The following INPP4B variants were observed in gnomAD, a reference collection of about 807,000 sequenced individuals.
INPP4B encodes inositol polyphosphate-4-phosphatase type II B.
In INPP4B, 55 loss-of-function variants were observed where a neutral mutation model predicts 122.5. The observed-to-expected ratio is 0.45, with a 90% CI of 0.36 to 0.56. The LOEUF is 0.56. INPP4B is among the 20% of genes least tolerant of loss of function. The pLI is 0.00. For synonymous variants in INPP4B, 403 were observed against 388.7 expected (o/e 1.04, Z -0.43); for missense variants, 1,000 against 1,097.7 (o/e 0.91, Z 1.26).
chr4:142,372,344 G>A (rs1184053110), intron 7 of INPP4B, among the ~76,000 whole-genome samples: 2 of 152,022 alleles, frequency 1.3e-5, no homozygotes, highest in South Asian at 2.1e-4. Context: ...GTGTTCAACA[G>A]CACAATAGTT....
chr4:142,287,004 CTT>C (rs974569755), intron 9 of INPP4B: 7 of 152,148 alleles, frequency 4.6e-5, no homozygotes, highest in African/African-American at 1.2e-4. Flanking sequence ...ACATTTTCCT[CTT>C]GTCTTTAATT....
intron 7 of INPP4B, among the ~76,000 whole-genome samples, chr4:142,335,891 A>G (rs1776398391): frequency 6.6e-6 from 1 of 152,206 alleles, no homozygotes; most frequent in Non-Finnish European, 1.5e-5. Context: ...CCCAAACTTA[A>G]GCAAAAAGAC....
At chr4:142,299,119 A>G (rs978707039) in intron 9 of INPP4B, among the ~76,000 whole-genome samples, 25 of 147,346 alleles carry the variant, frequency 1.7e-4, no homozygotes, top group African/African-American at 6.3e-4. Context: ...GTTGACTCAC[A>G]TGTTTTCCTG....
At chr4:142,838,033 G>GTTT (rs546156996) in intron 1 of INPP4B, among the ~76,000 whole-genome samples, 3,960 of 143,420 alleles carry the variant, frequency 0.028, 166 homozygotes, top group African/African-American at 0.093. Flanking sequence ...GGAAAGTGGT[G>GTTT]TTTTTTTTTT....
chr4:142,806,736 C>G (rs573723122), intron 1 of INPP4B, among the ~76,000 whole-genome samples: 1 of 121,580 alleles, frequency 8.2e-6, no homozygotes, highest in Non-Finnish European at 1.7e-5. Context: ...AGAGCAAGAC[C>G]CTGTTAAAAA....
intron 2 of INPP4B, among the ~76,000 whole-genome samples, chr4:142,635,821 TACAAA>T (rs1219520723): frequency 6.6e-5 from 10 of 152,102 alleles, no homozygotes; most frequent in Non-Finnish European, 1.3e-4. Flanking sequence ...TGACTTTACC[TACAAA>T]ACAAACCTTC....
chr4:142,354,387 G>A (rs1579825918), intron 7 of INPP4B, among the ~76,000 whole-genome samples: 1 of 151,974 alleles, frequency 6.6e-6, no homozygotes, highest in East Asian at 1.9e-4. Flanking sequence ...TATGTAGGAA[G>A]AACAGAATTT....
At chr4:142,031,007 A>T (rs1392909784) in intron 25 of INPP4B, among the ~76,000 whole-genome samples, 1 of 152,174 alleles carries the variant, frequency 6.6e-6, no homozygotes, top group Non-Finnish European at 1.5e-5. Context: ...CCATATTTAC[A>T]GAGTGATACC....
chr4:142,363,648 T>C (rs1407340323), intron 7 of INPP4B, among the ~76,000 whole-genome samples: 1 of 152,010 alleles, frequency 6.6e-6, no homozygotes, highest in Non-Finnish European at 1.5e-5. Flanking sequence ...TCAAAACTCA[T>C]TGAGTCCAGT....
At chr4:142,820,681 T>A (rs1176723191) in intron 1 of INPP4B, among the ~76,000 whole-genome samples, 1 of 152,122 alleles carries the variant, frequency 6.6e-6, no homozygotes, top group Non-Finnish European at 1.5e-5. Flanking sequence ...GGCAGAACTT[T>A]CCATATTTCA....
chr4:142,138,796 A>C (rs2152819559), intron 18 of INPP4B, among the ~76,000 whole-genome samples: 1 of 152,298 alleles, frequency 6.6e-6, no homozygotes, highest in African/African-American at 2.4e-5. Context: ...GAGTGTACTA[A>C]GTGTCAGCTA....
At chr4:142,643,380 T>C (rs553431696) in intron 2 of INPP4B, among the ~76,000 whole-genome samples, 1 of 152,268 alleles carries the variant, frequency 6.6e-6, no homozygotes, top group South Asian at 2.1e-4. Flanking sequence ...GATACATACT[T>C]ATCCAGTAAA....
At chr4:142,102,050 T>C (rs768351751) in intron 23 of INPP4B, among the ~76,000 whole-genome samples, 4 of 152,050 alleles carry the variant, frequency 2.6e-5, no homozygotes, top group Admixed American at 2.6e-4. Context: ...CATGGGAAGG[T>C]TTACTTGTCC....
At chr4:142,458,273 A>G (rs1815917808) in intron 3 of INPP4B, among the ~76,000 whole-genome samples, 1 of 152,172 alleles carries the variant, frequency 6.6e-6, no homozygotes. Flanking sequence ...GTAAGTAAGC[A>G]GAAGAGTTTG....
At chr4:142,417,658 A>G (rs528494333) in intron 5 of INPP4B, among the ~76,000 whole-genome samples, 1 of 152,240 alleles carries the variant, frequency 6.6e-6, no homozygotes, top group South Asian at 2.1e-4. Flanking sequence ...AATAATTAGA[A>G]TAATACCATT....
chr4:142,432,375 T>TA (rs1191049343), intron 3 of INPP4B, among the ~76,000 whole-genome samples: 1 of 152,044 alleles, frequency 6.6e-6, no homozygotes, highest in Non-Finnish European at 1.5e-5. Flanking sequence ...AGCTCTAGTT[T>TA]AAAAAAATCT....
intron 2 of INPP4B, among the ~76,000 whole-genome samples, chr4:142,704,639 G>T (rs190933904): frequency 3.3e-5 from 5 of 152,184 alleles, no homozygotes; most frequent in Admixed American, 2.0e-4. Flanking sequence ...CTTCCCAATT[G>T]CTCAAAGATC....
intron 7 of INPP4B, among the ~76,000 whole-genome samples, chr4:142,346,031 C>T (rs1386044043): frequency 1.3e-5 from 2 of 152,092 alleles, no homozygotes; most frequent in East Asian, 1.9e-4. Context: ...CTCATTAAGA[C>T]ATGCATATAT....
intron 7 of INPP4B, among the ~76,000 whole-genome samples, chr4:142,323,694 C>T (rs1771148992): frequency 6.6e-6 from 1 of 151,690 alleles, no homozygotes; most frequent in African/African-American, 2.4e-5. Flanking sequence ...ATCTGCCCGC[C>T]TTGGCCTCCC....
Sources: gnomAD v4.1 joint callset for allele counts (sites outside exome capture counted in the v4.1 genomes callset) on GRCh38, gnomAD v4.1.1 for gene constraint, MANE v1.5 for transcripts, NCBI Gene and HGNC (gene_info 2026-07-23, HGNC 2026-07-21) for gene names.